PRKAG2: variants seen among roughly 807,000 people sequenced by gnomAD.
The protein encoded by PRKAG2 is protein kinase AMP-activated non-catalytic subunit gamma 2, also known as 5'-AMP-activated protein kinase subunit gamma-2.
A neutral mutation model predicts 69.6 loss-of-function variants in PRKAG2; 26 were observed. The observed-to-expected ratio is 0.37, with a 90% CI of 0.27 to 0.52. PRKAG2 has a LOEUF of 0.52. Ranked by LOEUF, PRKAG2 falls within the 20% of genes least tolerant of loss-of-function variation. PRKAG2 has a pLI of 0.90. For synonymous variants in PRKAG2, 293 were observed against 285.0 expected (o/e 1.03, Z -0.28); for missense variants, 557 against 740.0 (o/e 0.75, Z 2.87).
At chr7:151,804,427 T>C (rs2078001888) in intron 1 of PRKAG2, among the ~76,000 whole-genome samples, 3 of 152,044 alleles carry the variant, frequency 2.0e-5, no homozygotes, top group African/African-American at 7.2e-5. Context: ...AACCAACAGA[T>C]CTCGTGAGAA....
chr7:151,831,209 A>G (rs2079019288), intron 1 of PRKAG2, among the ~76,000 whole-genome samples: 1 of 152,208 alleles, frequency 6.6e-6, no homozygotes, highest in African/African-American at 2.4e-5. Flanking sequence ...TAAAGTCACA[A>G]TATGACCCAG....
At chr7:151,680,307 G>T (rs975731931) in intron 3 of PRKAG2, among the ~76,000 whole-genome samples, 3 of 152,170 alleles carry the variant, frequency 2.0e-5, no homozygotes, top group Non-Finnish European at 4.4e-5. Context: ...AGACGCAGAG[G>T]CTCGTCAAGA....
At chr7:151,766,854 G>T (rs1042036472) in intron 3 of PRKAG2, among the ~76,000 whole-genome samples, 1 of 152,182 alleles carries the variant, frequency 6.6e-6, no homozygotes, top group Non-Finnish European at 1.5e-5. Context: ...CACATCAATC[G>T]TGGAGAAGGC....
intron 1 of PRKAG2, among the ~76,000 whole-genome samples, chr7:151,874,108 T>A (rs1047215606): frequency 2.8e-5 from 4 of 144,688 alleles, no homozygotes; most frequent in African/African-American, 1.0e-4. Context: ...ATGTATATGA[T>A]GTATATGTAT....
At chr7:151,635,176 C>A (rs995162465) in intron 4 of PRKAG2, among the ~76,000 whole-genome samples, 1 of 152,126 alleles carries the variant, frequency 6.6e-6, no homozygotes, top group Admixed American at 6.5e-5. Context: ...GTCTTGAACT[C>A]CCGACCTCAG....
At chr7:151,681,859 G>C (rs1833936762) in intron 3 of PRKAG2, among the ~76,000 whole-genome samples, 1 of 152,154 alleles carries the variant, frequency 6.6e-6, no homozygotes, top group South Asian at 2.1e-4. Context: ...TACTCTCCCA[G>C]AAGTGGGGCT....
intron 3 of PRKAG2, among the ~76,000 whole-genome samples, chr7:151,732,248 C>A (rs113960205): frequency 7.3e-5 from 11 of 151,556 alleles, no homozygotes; most frequent in African/African-American, 2.4e-4. Flanking sequence ...AAGCAATCCT[C>A]CCAACTCAGC....
At chr7:151,639,183 G>T (rs1377465339) in intron 4 of PRKAG2, among the ~76,000 whole-genome samples, 1 of 152,126 alleles carries the variant, frequency 6.6e-6, no homozygotes, top group African/African-American at 2.4e-5. Context: ...ATCTAAAACT[G>T]TGCCCCAGTC....
chr7:151,831,131 G>A (rs534671355), intron 1 of PRKAG2, among the ~76,000 whole-genome samples: 7 of 152,284 alleles, frequency 4.6e-5, no homozygotes, highest in Admixed American at 3.9e-4. Flanking sequence ...GCTGGGAATT[G>A]CTGGTGGGAA....
intron 15 of PRKAG2, chr7:151,557,550 T>C: frequency 1.0e-6 from 1 of 985,340 alleles, no homozygotes; most frequent in Non-Finnish European, 1.2e-6. Flanking sequence ...AGTATTTCAG[T>C]TGTGCACTCT....
chr7:151,626,689 A>G (rs189172905), intron 5 of PRKAG2, among the ~76,000 whole-genome samples: 60 of 152,280 alleles, frequency 3.9e-4, no homozygotes, highest in Admixed American at 1.1e-3. Context: ...TCAAGGGACA[A>G]GGGAATAATT....
intron 3 of PRKAG2, among the ~76,000 whole-genome samples, chr7:151,769,264 C>A (rs767939577): frequency 6.6e-6 from 1 of 152,184 alleles, no homozygotes; most frequent in East Asian, 1.9e-4. Context: ...TTGTAGACTG[C>A]GCTGGGTTAG....
chr7:151,772,647 CA>C (rs1248987526), intron 3 of PRKAG2, among the ~76,000 whole-genome samples: 1 of 152,134 alleles, frequency 6.6e-6, no homozygotes, highest in Non-Finnish European at 1.5e-5. Context: ...TTTGGAGGTA[CA>C]TTACTTAAAA....
chr7:151,762,494 G>C (rs2075478486), intron 3 of PRKAG2, among the ~76,000 whole-genome samples: 1 of 152,192 alleles, frequency 6.6e-6, no homozygotes, highest in African/African-American at 2.4e-5. Flanking sequence ...GGCAGTGTCA[G>C]TTCTGTGAGG....
chr7:151,822,344 CG>C (rs895234034), intron 1 of PRKAG2, among the ~76,000 whole-genome samples: 39 of 151,886 alleles, frequency 2.6e-4, no homozygotes, highest in Middle Eastern at 3.4e-3. Context: ...GGGTCAAGGG[CG>C]GGGGGTGACT....
At chr7:151,690,120 C>T (rs1351737124) in intron 3 of PRKAG2, among the ~76,000 whole-genome samples, 1 of 152,162 alleles carries the variant, frequency 6.6e-6, no homozygotes, top group Non-Finnish European at 1.5e-5. Flanking sequence ...ATGGCAACAA[C>T]AATTCTGGGA....
intron 5 of PRKAG2, among the ~76,000 whole-genome samples, chr7:151,596,364 A>G (rs1814526341): frequency 6.6e-6 from 1 of 152,238 alleles, no homozygotes; most frequent in Admixed American, 6.5e-5. Flanking sequence ...AATCCCATTT[A>G]CAATAGCTAC....
intron 3 of PRKAG2, among the ~76,000 whole-genome samples, chr7:151,758,870 T>C (rs1299755331): frequency 6.6e-6 from 1 of 152,162 alleles, no homozygotes; most frequent in East Asian, 1.9e-4. Context: ...CAGTAAGGCT[T>C]TCTGTAGCGG....
intron 5 of PRKAG2, among the ~76,000 whole-genome samples, chr7:151,620,554 T>C (rs765669260): frequency 6.6e-6 from 1 of 152,090 alleles, no homozygotes. Flanking sequence ...CACTGCTCAC[T>C]GCAACCTCAA....
Sources: allele counts gnomAD v4.1 joint callset (sites outside exome capture counted in the v4.1 genomes callset), GRCh38; gene constraint gnomAD v4.1.1; transcripts MANE v1.5; gene names NCBI Gene and HGNC (gene_info 2026-07-23, HGNC 2026-07-21).